GRWD1: variants seen among roughly 807,000 people sequenced by gnomAD.
GRWD1 encodes the protein glutamate rich WD repeat containing 1.
A neutral mutation model predicts 45.3 loss-of-function variants in GRWD1; 29 were observed. That is an observed-to-expected ratio of 0.64 (90% CI 0.48 to 0.87). The LOEUF (loss-of-function observed/expected upper bound fraction) is 0.87, where lower values mean the gene tolerates loss of function less well. Ranked by LOEUF, GRWD1 falls within the 40% of genes least tolerant of loss-of-function variation. The pLI, the probability that GRWD1 is intolerant of heterozygous loss-of-function variation, is 0.00. For synonymous variants in GRWD1, 262 were observed against 257.6 expected (o/e 1.02, Z -0.16); for missense variants, 592 against 618.8 (o/e 0.96, Z 0.46).
rs1211406254 is a variant in GRWD1, at chr19:48,446,050, A to G, written c.45A>G (p.Glu15=). 2.5e-6 allele frequency: 4 copies of G among 1,597,340 alleles called. No homozygotes were observed. The highest frequency in any genetic ancestry group is 2.3e-5 in the South Asian group (2 of 88,410). The part of the protein sequence containing the change: ...KGRRRTCETG[E]PMEAESGDTS... ...GGCGGCGCACGTGTGAAACCGGGGA[A>G]CCCATGGAAGCCGAGTCCGGCGACA... The change falls in exon 1 of 7, where the codon GAA becomes GAG. Residue 15 remains glutamate (E), a synonymous_variant. Coordinates refer to ENST00000253237, the MANE Select transcript of GRWD1 (RefSeq NM_031485.4).
In GRWD1 at chr19:48,454,351, C is replaced by G. The variant is rs1971510787; in HGVS notation, c.*1326C>G. 6.6e-6 allele frequency: 1 copy of G among 152,556 alleles called. No individual in the cohort carries two copies. Among genetic ancestry groups the G allele is most frequent in the South Asian group, 2.1e-4 (1 of 4,854 alleles). The allele number at this position is 152,556 out of a possible 1,614,324, so 9.5% of individuals were successfully genotyped here. A position where few individuals can be genotyped will look rare whatever the true frequency, so the allele number is the denominator to read the frequency against. ...CTGTCCAGCCTGCCTGGGCTGTGGCCCAGCCGCTCTGCCTGGCTGGCCTCC... is the reference window on the plus strand; with the variant it reads ...CTGTCCAGCCTGCCTGGGCTGTGGCGCAGCCGCTCTGCCTGGCTGGCCTCC... On this transcript the variant is annotated 3_prime_UTR_variant, in exon 7 of 7. Transcript: ENST00000253237.
In GRWD1 at chr19:48,450,969, G is replaced by T. The variant is rs192002056; in HGVS notation, c.826-65G>T. On this transcript the variant is annotated intron_variant, in intron 5 of 6. Coordinates refer to ENST00000253237, the MANE Select transcript of GRWD1 (RefSeq NM_031485.4). This position sits in a 1 kb window ranked among gnomAD's most constrained non-coding sequence, Gnocchi z 5.1. ...ACAGTGAAAGAGAGAGTAGCCCACC[G>T]CTGGCGCTTGGGCTTCACTGCGGGC... is the stretch of plus-strand genomic sequence containing the variant. 9 of 1,542,734 alleles carry T rather than the reference G, an allele frequency of 5.8e-6. No individual in the cohort carries two copies. The African/African-American group carries it at 1.2e-4, about 21-fold the overall frequency.
intron 3 of GRWD1, among the ~76,000 whole-genome samples, chr19:48,448,998 A>G (rs904684669): frequency 2.0e-5 from 3 of 152,180 alleles, no homozygotes; most frequent in Non-Finnish European, 1.5e-5. Context: ...GGGTCGGAGG[A>G]AAGAATCCTG....
intron 3 of GRWD1, among the ~76,000 whole-genome samples, chr19:48,449,720 C>A (rs1019667198): frequency 1.3e-5 from 2 of 152,136 alleles, no homozygotes; most frequent in African/African-American, 4.8e-5. Context: ...ACTTGGGAGG[C>A]TGAGGTGAGA....
At position 48,450,343 on chromosome 19, in the gene GRWD1, G is replaced by A; in HGVS notation, c.499G>A (p.Gly167Arg). ...ATGGCTGGGTGAAGAGCCTGTGGCT[G>A]GGGTGTGGTCAGAGAAGGGCCAGGT... is the stretch of plus-strand genomic sequence containing the variant. Reference protein sequence around the residue: ...VSWLGEEPVAGVWSEKGQVEV... With the variant: ...VSWLGEEPVARVWSEKGQVEV... The change falls in exon 4 of 7, where the codon GGG becomes AGG. Residue 167 changes from glycine to arginine, a missense_variant. Transcript: ENST00000253237. The surrounding 1 kb of genome is among the most constrained non-coding windows in gnomAD (Gnocchi z 5.1). 1.2e-6 allele frequency: 2 copies of A among 1,612,672 alleles called. No homozygotes were observed. Among genetic ancestry groups the A allele is most frequent in the Non-Finnish European group, 1.7e-6 (2 of 1,179,778 alleles).
In GRWD1 at chr19:48,455,319, C is replaced by G. The variant is rs1205401872; in HGVS notation, c.*2294C>G. On this transcript the variant is annotated 3_prime_UTR_variant, in exon 7 of 7. Coordinates refer to ENST00000253237, the MANE Select transcript of GRWD1 (RefSeq NM_031485.4). ...GCTTTCCAACCTGCTGTCCAGCCCC[C>G]ACCAGTAGGTGGGGAGTGGTGGGGA... 6.6e-6 allele frequency: 1 copy of G among 152,148 alleles called. No individual in the cohort carries two copies. Among genetic ancestry groups the G allele is most frequent in the African/African-American group, 2.4e-5 (1 of 41,396 alleles). 9.4% of individuals were successfully genotyped at this position (152,148 alleles called of 1,614,324 possible). A position where few individuals can be genotyped will look rare whatever the true frequency, so the allele number is the denominator to read the frequency against.
Position 48,450,752 on chromosome 19 carries a change from T to C in GRWD1, c.769T>C (p.Phe257Leu), listed in dbSNP as rs1285411761. 2 of 1,613,900 alleles carry C rather than the reference T, an allele frequency of 1.2e-6. No homozygotes were observed. The highest frequency in any genetic ancestry group is 1.7e-6 in the Non-Finnish European group (2 of 1,180,018). Residue 257 changes from phenylalanine (F) to leucine (L), a missense_variant, in exon 5 of 7, where the codon TTC (phenylalanine) becomes CTC (leucine). By Grantham distance (22) the Phe-to-Leu change is conservative (BLOSUM62 0). Coordinates refer to ENST00000253237, the MANE Select transcript of GRWD1 (RefSeq NM_031485.4). The surrounding 1 kb of genome is among the most constrained non-coding windows in gnomAD (Gnocchi z 5.1). The stretch of plus-strand genomic sequence containing the variant: ...CTCCTGGCACGTGGACCAGCGGCCA[T>C]TCGTGGGCCACACACGCTCTGTGGA... Reference protein sequence around the residue: ...GGSWHVDQRPFVGHTRSVEDL... With the variant: ...GGSWHVDQRPLVGHTRSVEDL...
intron 6 of GRWD1, among the ~76,000 whole-genome samples, chr19:48,451,443 A>G (rs1435382888): frequency 6.6e-6 from 1 of 152,124 alleles, no homozygotes; most frequent in Non-Finnish European, 1.5e-5. Flanking sequence ...CACTCACTCT[A>G]CCAGGGGAAC....
In GRWD1 at chr19:48,450,855, G is replaced by GTC; in HGVS notation, c.825+47_825+48insTC. 6.3e-7 allele frequency: 1 copy of GTC among 1,577,440 alleles called. No individual in the cohort carries two copies. Among genetic ancestry groups the GTC allele is most frequent in the Non-Finnish European group, 8.6e-7 (1 of 1,156,912 alleles). On this transcript the variant is annotated intron_variant, in intron 5 of 6. Transcript: ENST00000253237. The surrounding 1 kb of genome is among the most constrained non-coding windows in gnomAD (Gnocchi z 5.1). The stretch of plus-strand genomic sequence containing the variant: ...GTCGTTTAGTTCTGATGGATTCTAG[G>GTC]CCAGGGACCTAGAATCCTAGGTCTG...
intron 3 of GRWD1, among the ~76,000 whole-genome samples, chr19:48,448,682 G>T (rs917500835): frequency 5.3e-5 from 8 of 152,190 alleles, no homozygotes; most frequent in Non-Finnish European, 1.0e-4. Context: ...CCCTGTAAAA[G>T]AATTTGCAGG....
rs1230285116 is a variant in GRWD1, at chr19:48,453,051, T to C, written c.*26T>C. ...GGCGTCCCACTGGCTCTGATCTTGC[T>C]TCCTGCTTGGAAACTGAAGTCGAAT... On this transcript the variant is annotated 3_prime_UTR_variant, in exon 7 of 7. Transcript: ENST00000253237. 10 of 1,542,728 alleles carry C rather than the reference T, an allele frequency of 6.5e-6. No individual in the cohort carries two copies. The South Asian group carries it at 1.1e-4, about 17-fold the overall frequency.
chr19:48,451,059 C>T lies in GRWD1; in HGVS notation c.851C>T (p.Ala284Val), dbSNP rs763429005. ...NTVFASCSAD[A>V]SIRIWDIRAA... ...GTGTTTGCCTCCTGCTCAGCTGACGCCTCCATCCGCATCTGGGACATCCGG... is the reference window on the plus strand; with the variant it reads ...GTGTTTGCCTCCTGCTCAGCTGACGTCTCCATCCGCATCTGGGACATCCGG... Residue 284 changes from alanine to valine, a missense_variant, in exon 6 of 7, where the codon GCC (alanine) becomes GTC (valine). Transcript: ENST00000253237. The T allele has an allele frequency of 6.2e-7, 1 of 1,613,894 alleles. No homozygotes were observed. The highest frequency in any genetic ancestry group is 8.5e-7 in the Non-Finnish European group (1 of 1,179,980).
Position 48,450,181 on chromosome 19 carries a change from C to A in GRWD1, c.469-132C>A. On this transcript the variant is annotated intron_variant, in intron 3 of 6. Transcript: ENST00000253237. The surrounding 1 kb of genome is among the most constrained non-coding windows in gnomAD (Gnocchi z 5.1). ...TTCTTCCCACAGAGGTTTCAAGGAG[C>A]TGTAGTCCCAGGCCTGGGAGATCTG... 1.5e-6 allele frequency: 1 copy of A among 672,110 alleles called. No homozygotes were observed. The highest frequency in any genetic ancestry group is 2.6e-6 in the Non-Finnish European group (1 of 387,324). The allele number at this position is 672,110 out of a possible 1,614,324, so 41.6% of individuals were successfully genotyped here.
At position 48,446,019 on chromosome 19, in the gene GRWD1, AG is replaced by A. The variant is rs759418753; in HGVS notation, c.17del (p.Gly6ValfsTer66). On this transcript the variant is annotated frameshift_variant, in exon 1 of 7. Transcript: ENST00000253237. LOFTEE classifies it high-confidence loss of function. MAAR[K>X]GRRRTCETGE... Reference sequence around the variant, plus strand: ...GAGGGTTCGAAGATGGCGGCGCGCAAGGGTCGGCGGCGCACGTGTGAAACCG... The same window carrying A: ...GAGGGTTCGAAGATGGCGGCGCGCAAGGTCGGCGGCGCACGTGTGAAACCG... 1 of 1,588,714 alleles carries A rather than the reference AG, an allele frequency of 6.3e-7. No individual in the cohort carries two copies. The highest frequency in any genetic ancestry group is 1.1e-5 in the South Asian group (1 of 87,444).
At chr19:48,449,197 G>A (rs937521201) in intron 3 of GRWD1, among the ~76,000 whole-genome samples, 1 of 152,102 alleles carries the variant, frequency 6.6e-6, no homozygotes, top group Non-Finnish European at 1.5e-5. Context: ...GGGTTCAAGC[G>A]ATTCTCCTGC....
rs757669835 is a variant in GRWD1, at chr19:48,450,754, C to A, written c.771C>A (p.Phe257Leu). The A allele has an allele frequency of 9.3e-6, 15 of 1,613,944 alleles. No individual in the cohort carries two copies. Among genetic ancestry groups the A allele is most frequent in the Non-Finnish European group, 1.1e-5 (13 of 1,180,024 alleles). The change falls in exon 5 of 7, where the codon TTC becomes TTA. Residue 257 changes from phenylalanine (F) to leucine (L), a missense_variant. Phe to Leu is a conservative substitution (Grantham distance 22, BLOSUM62 0). Coordinates refer to ENST00000253237, the MANE Select transcript of GRWD1 (RefSeq NM_031485.4). This position sits in a 1 kb window ranked among gnomAD's most constrained non-coding sequence, Gnocchi z 5.1. Reference sequence around the variant, plus strand: ...CCTGGCACGTGGACCAGCGGCCATTCGTGGGCCACACACGCTCTGTGGAGG... The same window carrying A: ...CCTGGCACGTGGACCAGCGGCCATTAGTGGGCCACACACGCTCTGTGGAGG... ...GGSWHVDQRP[F>L]VGHTRSVEDL... is the part of the protein sequence containing the mutation.
chr19:48,450,525 C>T lies in GRWD1; in HGVS notation c.681C>T (p.Thr227=), dbSNP rs749767333. Reference sequence around the variant, plus strand: ...CCCTTGACTGGTCCCCCCGGGTGACCGGTGAGTCCCTGGGGTGTTCAGGAG... The same window carrying T: ...CCCTTGACTGGTCCCCCCGGGTGACTGGTGAGTCCCTGGGGTGTTCAGGAG... ...GFALDWSPRV[T]GRLLTGDCQK... Residue 227 remains threonine (T), a splice_region_variant and synonymous_variant, in exon 4 of 7, where the codon ACC becomes ACT. Transcript: ENST00000253237. This position sits in a 1 kb window ranked among gnomAD's most constrained non-coding sequence, Gnocchi z 5.1. The T allele has an allele frequency of 3.7e-5, 60 of 1,614,028 alleles. 1 individual carries two copies. The highest frequency in any genetic ancestry group is 4.5e-5 in the Non-Finnish European group (53 of 1,179,990).
intron 2 of GRWD1, 77 bp from the exon 3 acceptor site, chr19:48,446,604 G>A: frequency 6.4e-7 from 1 of 1,555,210 alleles, no homozygotes; most frequent in South Asian, 1.2e-5. Context: ...GCAGATCCAG[G>A]AGTCTGGGTT....
Position 48,451,144 on chromosome 19 carries a change from T to C in GRWD1, c.936T>C (p.Asn312=). The change falls in exon 6 of 7, where the codon AAT becomes AAC. Residue 312 remains asparagine (N), a synonymous_variant. Coordinates refer to ENST00000253237, the MANE Select transcript of GRWD1 (RefSeq NM_031485.4). ...TTATAHDGDV[N]VISWSRREPF... is the part of the protein sequence containing the mutation. ...CCACCGCCCATGATGGGGACGTCAATGTCATCAGCTGGAGCCGCCGGGAGC... is the reference window on the plus strand; with the variant it reads ...CCACCGCCCATGATGGGGACGTCAACGTCATCAGCTGGAGCCGCCGGGAGC... 5 of 1,613,994 alleles carry C rather than the reference T, an allele frequency of 3.1e-6. No homozygotes were observed. The highest frequency in any genetic ancestry group is 4.2e-6 in the Non-Finnish European group (5 of 1,179,902).
Sources: allele counts gnomAD v4.1 joint callset (sites outside exome capture counted in the v4.1 genomes callset), GRCh38; gene constraint gnomAD v4.1.1; non-coding constraint Gnocchi (gnomAD v3.1); transcripts MANE v1.5; gene names NCBI Gene and HGNC (gene_info 2026-07-23, HGNC 2026-07-21).